The following HPSE2 variants were observed in gnomAD, a reference collection of about 807,000 sequenced individuals.
The protein encoded by HPSE2 is heparanase 2 (inactive).
HPSE2 carries 38 observed loss-of-function variants against 60.5 expected under a neutral mutation model. The ratio of observed to expected loss-of-function variants is 0.63; its 90% CI spans 0.48 to 0.82. The LOEUF is 0.82. Among genes scored for constraint, HPSE2 ranks in the 40% least tolerant of loss-of-function variants. HPSE2 has a pLI of 0.00. For synonymous variants in HPSE2, 295 were observed against 293.2 expected (o/e 1.01, Z -0.06); for missense variants, 713 against 740.4 (o/e 0.96, Z 0.43).
chr10:98,663,209 G>T (rs1259717104), intron 6 of HPSE2, among the ~76,000 whole-genome samples: 1 of 152,122 alleles, frequency 6.6e-6, no homozygotes, highest in Non-Finnish European at 1.5e-5. Flanking sequence ...TCACTACCAA[G>T]TATCTGCTAT....
chr10:98,540,977 CT>C (rs925591747), intron 9 of HPSE2, among the ~76,000 whole-genome samples: 2 of 152,060 alleles, frequency 1.3e-5, no homozygotes, highest in African/African-American at 4.8e-5. Flanking sequence ...AATAGCTTTT[CT>C]TTTGAAAAGA....
intron 9 of HPSE2, among the ~76,000 whole-genome samples, chr10:98,572,645 C>T (rs1944530441): frequency 6.6e-6 from 1 of 152,234 alleles, no homozygotes; most frequent in Admixed American, 6.5e-5. Flanking sequence ...TAATGCAATC[C>T]ATAAGCAGCC....
intron 2 of HPSE2, among the ~76,000 whole-genome samples, chr10:99,173,280 G>C (rs560868272): frequency 5.9e-5 from 9 of 152,264 alleles, no homozygotes; most frequent in African/African-American, 1.9e-4. Context: ...GATATTAGGA[G>C]AGCTGGGAAG....
At chr10:98,465,967 T>G (rs913903823) in intron 11 of HPSE2, among the ~76,000 whole-genome samples, 1 of 152,212 alleles carries the variant, frequency 6.6e-6, no homozygotes, top group African/African-American at 2.4e-5. Flanking sequence ...AAGTGTCAGT[T>G]TGGAGTCAAG....
At chr10:99,045,817 A>C (rs1957842052) in intron 3 of HPSE2, among the ~76,000 whole-genome samples, 1 of 152,172 alleles carries the variant, frequency 6.6e-6, no homozygotes, top group East Asian at 1.9e-4. Flanking sequence ...GACCAATATC[A>C]AACTCTGAAA....
intron 6 of HPSE2, among the ~76,000 whole-genome samples, chr10:98,670,851 G>A (rs1303829390): frequency 6.6e-6 from 1 of 152,174 alleles, no homozygotes; most frequent in African/African-American, 2.4e-5. Context: ...CTTTAGTGTT[G>A]TGAGCCCTTA....
chr10:98,874,582 C>T (rs1039997496), intron 3 of HPSE2, among the ~76,000 whole-genome samples: 1 of 152,048 alleles, frequency 6.6e-6, no homozygotes, highest in Non-Finnish European at 1.5e-5. Flanking sequence ...TTCCTCTCTT[C>T]CTTTCTGAAT....
intron 3 of HPSE2, among the ~76,000 whole-genome samples, chr10:99,131,492 T>C (rs866432931): frequency 2.0e-5 from 3 of 151,010 alleles, no homozygotes; most frequent in Admixed American, 6.6e-5. Flanking sequence ...TATATATGTG[T>C]ATATATATAT....
At chr10:99,254,606 T>G in the HPSE2 span, among the ~76,000 whole-genome samples, 9 of 152,330 alleles carry the variant, frequency 5.9e-5, no homozygotes, top group Admixed American at 5.9e-4. Flanking sequence ...TAGGTGTAAT[T>G]TAATCTTGAC....
rs189215880 is a variant in HPSE2 at position 98,499,120 on chromosome 10, C to G, written c.1321-8924G>C. ...AAAACTTCCCTGGCCTTGCTAGAGACCTAAACACCCAAATACAAGAAGCAC... is the reference window on the plus strand; with the variant it reads ...AAAACTTCCCTGGCCTTGCTAGAGAGCTAAACACCCAAATACAAGAAGCAC... On this transcript the variant is annotated intron_variant, in intron 9 of 11. Coordinates refer to ENST00000370552, the MANE Select transcript of HPSE2 (RefSeq NM_021828.5). Among the ~76,000 whole-genome samples the G allele has an allele frequency of 2.6e-5, 4 of 152,176 alleles. No individual in the cohort carries two copies. In the East Asian group the frequency reaches 7.7e-4, roughly 29 times the overall value.
At chr10:98,702,982 A>C (rs1408897043) in intron 5 of HPSE2, among the ~76,000 whole-genome samples, 1 of 151,950 alleles carries the variant, frequency 6.6e-6, no homozygotes, top group Admixed American at 6.6e-5. Flanking sequence ...AAGAAAAAAA[A>C]CAATGAATCC....
chr10:98,466,337 G>A (rs1156431408), intron 11 of HPSE2, among the ~76,000 whole-genome samples: 1 of 152,192 alleles, frequency 6.6e-6, no homozygotes, highest in Admixed American at 6.5e-5. Context: ...GTTCTGGCCA[G>A]GTGCGGTGGC....
rs75028180 is a variant in HPSE2, at chr10:98,843,626, A to G, written c.611-99570T>C. 4.7e-4 allele frequency among the ~76,000 whole-genome samples: 71 copies of G among 152,342 alleles called. No homozygotes were observed. The East Asian group carries it at 0.013, about 29-fold the overall frequency. On this transcript the variant is annotated intron_variant, in intron 3 of 11. Transcript: ENST00000370552. ...AAATTCCCTAACCTACTTCCTGCTA[A>G]AATCTATTCCCACTCCTACACTCAC...
chr10:98,585,233 C>T (rs1348271516), intron 9 of HPSE2, among the ~76,000 whole-genome samples: 2 of 151,514 alleles, frequency 1.3e-5, no homozygotes, highest in African/African-American at 2.4e-5. Context: ...CCAAGTTCTA[C>T]CAAAAGCGCT....
chr10:98,766,029 A>C (rs1950112412), intron 3 of HPSE2, among the ~76,000 whole-genome samples: 1 of 152,182 alleles, frequency 6.6e-6, no homozygotes, highest in Non-Finnish European at 1.5e-5. Context: ...AAATTGATAA[A>C]ACTCTAACAG....
intron 8 of HPSE2, among the ~76,000 whole-genome samples, chr10:98,619,512 A>G (rs921176486): frequency 2.6e-5 from 4 of 152,082 alleles, no homozygotes; most frequent in African/African-American, 9.7e-5. Context: ...TCTCTCCTTC[A>G]CAATCTTCAG....
intron 2 of HPSE2, among the ~76,000 whole-genome samples, chr10:99,197,809 C>T (rs1448935850): frequency 6.6e-6 from 1 of 152,072 alleles, no homozygotes; most frequent in African/African-American, 2.4e-5. Flanking sequence ...ACCGGTAATC[C>T]CATCACTTTG....
intron 3 of HPSE2, among the ~76,000 whole-genome samples, chr10:99,056,288 T>C (rs114776316): frequency 1.0e-3 from 158 of 152,158 alleles, no homozygotes; most frequent in African/African-American, 3.6e-3. Flanking sequence ...TTCCCATACA[T>C]ATTAGAGAAA....
At chr10:98,551,657 C>T (rs1486511415) in intron 9 of HPSE2, among the ~76,000 whole-genome samples, 1 of 152,186 alleles carries the variant, frequency 6.6e-6, no homozygotes, top group Non-Finnish European at 1.5e-5. Flanking sequence ...CCTGGATCCC[C>T]AGAGTTATCC....
Sources: allele counts gnomAD v4.1 joint callset (sites outside exome capture counted in the v4.1 genomes callset), GRCh38; gene constraint gnomAD v4.1.1; transcripts MANE v1.5; gene names NCBI Gene and HGNC (gene_info 2026-07-23, HGNC 2026-07-21).